The following FCER1G variants were observed in gnomAD, a reference collection of about 807,000 sequenced individuals.
The protein encoded by FCER1G is high affinity immunoglobulin epsilon receptor subunit gamma.
Under a neutral mutation model 17.3 loss-of-function variants are expected in FCER1G, and 7 were observed. The ratio of observed to expected loss-of-function variants is 0.40; its 90% CI spans 0.23 to 0.76. FCER1G has a LOEUF of 0.76. Among genes scored for constraint, FCER1G ranks in the 30% least tolerant of loss-of-function variants. The pLI, the probability that FCER1G is intolerant of heterozygous loss-of-function variation, is 0.35. For missense variants in FCER1G, 87 were observed against 97.7 expected, an observed-to-expected ratio of 0.89 and a Z score of 0.46; for synonymous variants, 35 against 38.7, an observed-to-expected ratio of 0.90 and a Z score of 0.35.
intron 1 of FCER1G, among the ~76,000 whole-genome samples, chr1:161,215,717 C>G (rs1224075756): frequency 3.9e-5 from 6 of 152,014 alleles, no homozygotes; most frequent in Admixed American, 2.6e-4. Flanking sequence ...CTCAGGCTCC[C>G]GAGTAGCTGG....
In FCER1G at chr1:161,218,733, C is replaced by G; in HGVS notation, c.198+10C>G. The G allele has an allele frequency of 6.2e-7, 1 of 1,613,590 alleles. No individual in the cohort carries two copies. Among genetic ancestry groups the G allele is most frequent in the African/African-American group, 1.3e-5 (1 of 74,974 alleles). ...AGATGGTGTTTACACGGTAAGTGTG[C>G]CTACCTCCCCCACCCAGGAAGTCAG... On this transcript the variant is annotated intron_variant, in intron 4 of 4. Transcript: ENST00000289902.
intron 4 of FCER1G, 76 bp downstream of exon 4, chr1:161,218,799 TG>T (rs1441258653): frequency 4.6e-6 from 7 of 1,507,640 alleles, no homozygotes; most frequent in South Asian, 3.4e-5. Context: ...GGAAGGCCGG[TG>T]GGGGGAGGGG....
chr1:161,216,636 T>C (rs1666061311), intron 1 of FCER1G, among the ~76,000 whole-genome samples: 1 of 152,048 alleles, frequency 6.6e-6, no homozygotes, highest in South Asian at 2.1e-4. Context: ...AGCTGAGAAA[T>C]AGAGGCAGAA....
In FCER1G at chr1:161,218,886, G is replaced by A; in HGVS notation, c.204G>A (p.Leu68=). The A allele has an allele frequency of 1.2e-6, 2 of 1,613,866 alleles. No individual in the cohort carries two copies. The highest frequency in any genetic ancestry group is 1.1e-5 in the South Asian group (1 of 91,070). ...YEKSDGVYTG[L]STRNQETYET... is the part of the protein sequence containing the mutation. ...CCTTTGACTCCCATCTCCAGGGCCTGAGCACCAGGAACCAGGAGACTTACG... is the reference window on the plus strand; with the variant it reads ...CCTTTGACTCCCATCTCCAGGGCCTAAGCACCAGGAACCAGGAGACTTACG... The change falls in exon 5 of 5, where the codon CTG becomes CTA. Residue 68 remains leucine (L), a synonymous_variant. Transcript: ENST00000289902.
intron 3 of FCER1G, 120 bp from the exon 4 acceptor site, chr1:161,218,583 G>C: frequency 1.0e-6 from 1 of 967,418 alleles, no homozygotes; most frequent in South Asian, 1.3e-5. Flanking sequence ...GTCCATGTGA[G>C]TGCCCTCTAG....
intron 1 of FCER1G, among the ~76,000 whole-genome samples, chr1:161,217,033 G>T (rs773298969): frequency 6.6e-6 from 1 of 152,136 alleles, no homozygotes; most frequent in Non-Finnish European, 1.5e-5. Context: ...CCTTGGTTTC[G>T]TCACCCATAA....
chr1:161,215,852 A>G (rs1666027940), intron 1 of FCER1G, among the ~76,000 whole-genome samples: 1 of 151,922 alleles, frequency 6.6e-6, no homozygotes, highest in African/African-American at 2.4e-5. Context: ...TCGACCTCCC[A>G]AAGTGCTGGG....
rs997493721 is a variant in FCER1G at position 161,216,385 on chromosome 1, C to T, written c.49+1015C>T. ...ATACACACACACACACATACACACA[C>T]ACACACACACACACACACACACACA... On this transcript the variant is annotated intron_variant, in intron 1 of 4. Transcript: ENST00000289902. Among the ~76,000 whole-genome samples the T allele has an allele frequency of 1.1e-4, 14 of 131,906 alleles. 1 individual carries two copies. The highest frequency in any genetic ancestry group is 3.3e-4 in the African/African-American group (12 of 36,042). The allele number at this position is 131,906 out of a possible 152,430, so 86.5% of individuals were successfully genotyped here.
chr1:161,218,327 T>A (rs1666091121), intron 3 of FCER1G, 51 bp downstream of exon 3: 3 of 1,492,172 alleles, frequency 2.0e-6, no homozygotes, highest in African/African-American at 2.8e-5. Context: ...CCCTCAGCCC[T>A]CCTGGGGCTC....
chr1:161,216,411 C>CACACACACACATAT (rs1491150470), intron 1 of FCER1G, among the ~76,000 whole-genome samples: 16 of 129,812 alleles, frequency 1.2e-4, no homozygotes, highest in Non-Finnish European at 2.1e-4. Context: ...CACACACACA[C>CACACACACACATAT]ATATATATAT....
Position 161,219,180 on chromosome 1 carries a change from C to A in FCER1G, c.*237C>A, listed in dbSNP as rs1310144418. The stretch of plus-strand genomic sequence containing the variant: ...TCTCTTGTCCCACCCTTCTTCTCTT[C>A]CCCATTCCCAACTCCAGCTAAAATA... On this transcript the variant is annotated 3_prime_UTR_variant, in exon 5 of 5. Transcript: ENST00000289902. 1.3e-5 allele frequency: 7 copies of A among 537,868 alleles called. No homozygotes were observed. The highest frequency in any genetic ancestry group is 2.3e-5 in the Non-Finnish European group (7 of 303,440). 33.3% of individuals were successfully genotyped at this position (537,868 alleles called of 1,614,324 possible).
In FCER1G at chr1:161,215,343, C is replaced by T. The variant is rs753158675; in HGVS notation, c.22C>T (p.Leu8Phe). The change falls in exon 1 of 5, where the codon CTC (leucine) becomes TTC (phenylalanine). Residue 8 changes from leucine (L) to phenylalanine (F), a missense_variant. Physicochemically the swap from Leu to Phe is conservative, Grantham distance 22. Transcript: ENST00000289902. MIPAVVL[L>F]LLLLVEQAAA... ...CAAGATGATTCCAGCAGTGGTCTTG[C>T]TCTTACTCCTTTTGGTTGAACAAGC... 2.5e-5 allele frequency: 41 copies of T among 1,613,672 alleles called. No homozygotes were observed. Among genetic ancestry groups the T allele is most frequent in the Non-Finnish European group, 8.5e-6 (10 of 1,179,808 alleles).
intron 1 of FCER1G, among the ~76,000 whole-genome samples, chr1:161,216,913 C>T (rs1480669353): frequency 1.3e-5 from 2 of 152,118 alleles, no homozygotes; most frequent in Non-Finnish European, 1.5e-5. Context: ...GGAGGAGGCC[C>T]GCTGAGGCAC....
intron 1 of FCER1G, among the ~76,000 whole-genome samples, chr1:161,217,109 A>G (rs1666068048): frequency 6.6e-6 from 1 of 152,238 alleles, no homozygotes; most frequent in Non-Finnish European, 1.5e-5. Flanking sequence ...TGTGTGTGAA[A>G]GAGTGTTGCA....
At chr1:161,217,656 C>T (rs755144224) in intron 1 of FCER1G, among the ~76,000 whole-genome samples, 43 of 152,026 alleles carry the variant, frequency 2.8e-4, no homozygotes, top group Non-Finnish European at 5.0e-4. Context: ...TCAGATGGGT[C>T]CCTTGAGGTG....
At position 161,218,453 on chromosome 1, in the gene FCER1G, G is replaced by T. The variant is rs560782065; in HGVS notation, c.177+177G>T. 4.6e-5 allele frequency among the ~76,000 whole-genome samples: 7 copies of T among 152,258 alleles called. No individual in the cohort carries two copies. In the East Asian group the frequency reaches 1.4e-3, roughly 29 times the overall value. On this transcript the variant is annotated intron_variant, in intron 3 of 4. Coordinates refer to ENST00000289902, the MANE Select transcript of FCER1G (RefSeq NM_004106.2). The stretch of plus-strand genomic sequence containing the variant: ...AAGCCACAAGTAAAATATTCAGCAG[G>T]TGACAGGGAAGAATCAAGCATAGAG...
rs1571631123 is a variant in FCER1G, at chr1:161,218,026, C to T, written c.90C>T (p.Ala30=). The change falls in exon 2 of 5, where the codon GCC becomes GCT. Residue 30 remains alanine, a synonymous_variant. Transcript: ENST00000289902. ...GEPQLCYILD[A]ILFLYGIVLT... is the part of the protein sequence containing the mutation. ...CTCAGCTCTGCTATATCCTGGATGC[C>T]ATCCTGTTTCTGTATGGAATTGTCC... is the stretch of plus-strand genomic sequence containing the variant. The T allele has an allele frequency of 1.2e-6, 2 of 1,613,972 alleles. No homozygotes were observed. Among genetic ancestry groups the T allele is most frequent in the Non-Finnish European group, 1.7e-6 (2 of 1,179,906 alleles).
At position 161,219,018 on chromosome 1, in the gene FCER1G, C is replaced by CAGCTGGTGTTAATGGCA; in HGVS notation, c.*75_*76insAGCTGGTGTTAATGGCA. On this transcript the variant is annotated 3_prime_UTR_variant, in exon 5 of 5. Coordinates refer to ENST00000289902, the MANE Select transcript of FCER1G (RefSeq NM_004106.2). Reference sequence around the variant, plus strand: ...CCCTCATGGTTGGCATCACATATGCCTGCATGCCATTAACACCAGCTGGCC... The same window carrying CAGCTGGTGTTAATGGCA: ...CCCTCATGGTTGGCATCACATATGCCAGCTGGTGTTAATGGCATGCATGCCATTAACACCAGCTGGCC... 8.8e-7 allele frequency: 1 copy of CAGCTGGTGTTAATGGCA among 1,138,722 alleles called. No homozygotes were observed. Among genetic ancestry groups the CAGCTGGTGTTAATGGCA allele is most frequent in the African/African-American group, 1.5e-5 (1 of 65,684 alleles). The allele number at this position is 1,138,722 out of a possible 1,614,324, so 70.5% of individuals were successfully genotyped here.
intron 4 of FCER1G, 64 bp from the exon 5 acceptor site, chr1:161,218,817 G>A (rs1027051297): frequency 1.2e-5 from 19 of 1,577,956 alleles, no homozygotes; most frequent in Non-Finnish European, 1.3e-5. Flanking sequence ...GGGGGGTCCT[G>A]TGGAGGTGGG....
Sources: allele counts gnomAD v4.1 joint callset (sites outside exome capture counted in the v4.1 genomes callset), GRCh38; gene constraint gnomAD v4.1.1; transcripts MANE v1.5; gene names NCBI Gene and HGNC (gene_info 2026-07-23, HGNC 2026-07-21).